BNC2: variants seen among roughly 807,000 people sequenced by gnomAD.
BNC2 encodes basonuclin zinc finger protein 2.
BNC2 carries 20 observed loss-of-function variants against 76.3 expected under a neutral mutation model. The ratio of observed to expected loss-of-function variants is 0.26; its 90% CI spans 0.18 to 0.38. The LOEUF (loss-of-function observed/expected upper bound fraction) is 0.38. Ranked by LOEUF, BNC2 falls within the 10% of genes least tolerant of loss-of-function variation. The pLI is 1.00. For synonymous variants in BNC2, 582 were observed against 514.8 expected, an observed-to-expected ratio of 1.13 and a Z score of -1.77; for missense variants, 1,382 against 1,399.8, an observed-to-expected ratio of 0.99 and a Z score of 0.20.
chr9:16,725,150 G>A (rs1168209440), intron 3 of BNC2, among the ~76,000 whole-genome samples: 1 of 151,760 alleles, frequency 6.6e-6, no homozygotes, highest in Admixed American at 6.6e-5. Context: ...TATATTGAAA[G>A]TAATACTCGT....
At chr9:16,762,680 C>G (rs1020553721) in intron 1 of BNC2, among the ~76,000 whole-genome samples, 1 of 152,178 alleles carries the variant, frequency 6.6e-6, no homozygotes, top group East Asian at 1.9e-4. Context: ...CAACGAGGAA[C>G]AGAGCCTGGC....
At chr9:16,421,872 A>C (rs1820717515) in intron 6 of BNC2, among the ~76,000 whole-genome samples, 1 of 151,976 alleles carries the variant, frequency 6.6e-6, no homozygotes, top group Admixed American at 6.5e-5. Context: ...CCCGTTTATT[A>C]TTTTTAACAC....
intron 1 of BNC2, among the ~76,000 whole-genome samples, chr9:16,814,428 G>A (rs953092402): frequency 3.9e-5 from 6 of 152,166 alleles, no homozygotes; most frequent in African/African-American, 1.4e-4. Context: ...AATATTCAAA[G>A]GGCCTAGAGA....
At chr9:16,481,124 C>T (rs928742382) in intron 5 of BNC2, among the ~76,000 whole-genome samples, 1 of 152,072 alleles carries the variant, frequency 6.6e-6, no homozygotes, top group Non-Finnish European at 1.5e-5. Flanking sequence ...CCTTGGAGAA[C>T]CTTTGTGTCC....
chr9:16,645,115 T>A (rs1010017511), intron 3 of BNC2, among the ~76,000 whole-genome samples: 4 of 152,208 alleles, frequency 2.6e-5, no homozygotes, highest in African/African-American at 9.6e-5. Flanking sequence ...AGTCCTTGTC[T>A]ATGACTTGCA....
chr9:16,699,578 G>A (rs980456024), intron 3 of BNC2, among the ~76,000 whole-genome samples: 9 of 152,216 alleles, frequency 5.9e-5, no homozygotes, highest in Admixed American at 2.0e-4. Context: ...CTGTGGCACT[G>A]TTGATAAACA....
chr9:16,741,380 G>A (rs537431403), intron 1 of BNC2, among the ~76,000 whole-genome samples: 70 of 151,888 alleles, frequency 4.6e-4, no homozygotes, highest in Admixed American at 9.2e-4. Flanking sequence ...TTGAACCTGG[G>A]AGGTGGAGGT....
At chr9:16,757,212 A>G (rs187044111) in intron 1 of BNC2, among the ~76,000 whole-genome samples, 1 of 152,368 alleles carries the variant, frequency 6.6e-6, no homozygotes, top group African/African-American at 2.4e-5. Flanking sequence ...AAAGTAGACA[A>G]GCAGCTTAAA....
chr9:16,645,609 G>A (rs945869446), intron 3 of BNC2, among the ~76,000 whole-genome samples: 4 of 152,124 alleles, frequency 2.6e-5, no homozygotes, highest in African/African-American at 9.7e-5. Context: ...TCACATCCTT[G>A]TCCCATCACA....
chr9:16,651,181 G>A (rs1040970797), intron 3 of BNC2, among the ~76,000 whole-genome samples: 2 of 152,158 alleles, frequency 1.3e-5, no homozygotes, highest in African/African-American at 2.4e-5. Flanking sequence ...AAAAGAGACC[G>A]TTACGATGTT....
At chr9:16,753,399 G>A (rs1044030984) in intron 1 of BNC2, among the ~76,000 whole-genome samples, 7 of 152,254 alleles carry the variant, frequency 4.6e-5, no homozygotes, top group African/African-American at 1.7e-4. Context: ...GTATGCAGAA[G>A]TCAACATTTG....
intron 1 of BNC2, among the ~76,000 whole-genome samples, chr9:16,772,626 T>C (rs1825861617): frequency 6.6e-6 from 1 of 152,218 alleles, no homozygotes; most frequent in South Asian, 2.1e-4. Flanking sequence ...TTTTGTCTTT[T>C]ATGATTGATC....
intron 5 of BNC2, among the ~76,000 whole-genome samples, chr9:16,484,276 G>A (rs1040052690): frequency 1.3e-5 from 2 of 152,158 alleles, no homozygotes; most frequent in African/African-American, 4.8e-5. Flanking sequence ...TTCCACCCCC[G>A]AAATAAAGCT....
intron 3 of BNC2, among the ~76,000 whole-genome samples, chr9:16,635,662 A>C (rs1417631246): frequency 6.6e-6 from 1 of 152,236 alleles, no homozygotes; most frequent in Non-Finnish European, 1.5e-5. Context: ...TTGGACAGAC[A>C]ATTCTATTAT....
chr9:16,726,454 T>C (rs1824320850), intron 3 of BNC2, among the ~76,000 whole-genome samples: 1 of 151,504 alleles, frequency 6.6e-6, no homozygotes, highest in Non-Finnish European at 1.5e-5. Context: ...TCTAAACTTG[T>C]AGTAGTTTAT....
chr9:16,433,377 C>G (rs981358193), intron 6 of BNC2, among the ~76,000 whole-genome samples: 1 of 152,086 alleles, frequency 6.6e-6, no homozygotes, highest in African/African-American at 2.4e-5. Flanking sequence ...TGATTTCAGC[C>G]AAATGAAATG....
chr9:16,853,825 G>A (rs115680253), intron 1 of BNC2, among the ~76,000 whole-genome samples: 2 of 152,180 alleles, frequency 1.3e-5, no homozygotes, highest in African/African-American at 4.8e-5. Context: ...CCAAGACTGA[G>A]CCACTGCACT....
chr9:16,707,199 C>CA (rs1823703173), intron 3 of BNC2, among the ~76,000 whole-genome samples: 1 of 151,038 alleles, frequency 6.6e-6, no homozygotes, highest in Non-Finnish European at 1.5e-5. Flanking sequence ...AAGACTCCGC[C>CA]CCCCCGCCAA....
chr9:16,633,323 A>C lies in BNC2; in HGVS notation c.331-50238T>G, dbSNP rs151063459. ...TGCACAAATGAACAAGGCCATACAT[A>C]AATGTTATTAATAAGCCTTAACTAG... On this transcript the variant is annotated intron_variant, in intron 3 of 6. Transcript: ENST00000380672. 3.4e-3 allele frequency among the ~76,000 whole-genome samples: 523 copies of C among 152,344 alleles called. 6 individuals carry two copies. Among genetic ancestry groups the C allele is most frequent in the South Asian group, 0.017 (83 of 4,828 alleles).
Sources: allele counts gnomAD v4.1 joint callset (sites outside exome capture counted in the v4.1 genomes callset), GRCh38; gene constraint gnomAD v4.1.1; transcripts MANE v1.5; gene names NCBI Gene and HGNC (gene_info 2026-07-23, HGNC 2026-07-21).